Variants in UBE2R2 observed in about 807,000 individuals in gnomAD.
UBE2R2 encodes the protein ubiquitin conjugating enzyme E2 R2.
Under a neutral mutation model 27.8 loss-of-function variants are expected in UBE2R2, and 1 was observed. That is an observed-to-expected ratio of 0.04 (90% CI 0.01 to 0.17). The LOEUF (loss-of-function observed/expected upper bound fraction) is 0.17, where lower values mean the gene tolerates loss of function less well. Among genes scored for constraint, UBE2R2 ranks in the 10% least tolerant of loss-of-function variants. The pLI is 1.00. For synonymous variants in UBE2R2, 106 were observed against 113.3 expected, an observed-to-expected ratio of 0.94 and a Z score of 0.41; for missense variants, 100 against 291.0, an observed-to-expected ratio of 0.34 and a Z score of 4.78.
chr9:33,832,152 T>C (rs1298239657), intron 1 of UBE2R2, among the ~76,000 whole-genome samples: 1 of 148,676 alleles, frequency 6.7e-6, no homozygotes, highest in Admixed American at 6.8e-5. Context: ...CTACTAAAAA[T>C]ACAAAATTAG....
At chr9:33,836,657 A>G (rs1749269) in intron 1 of UBE2R2, among the ~76,000 whole-genome samples, 61,640 of 151,698 alleles carry the variant, frequency 0.41, 12,867 homozygotes, top group African/African-American at 0.49. Context: ...CTCGGGAGGC[A>G]GAGGCAGGAG....
intron 3 of UBE2R2, among the ~76,000 whole-genome samples, chr9:33,910,671 T>C (rs1822464033): frequency 6.6e-6 from 1 of 152,246 alleles, no homozygotes; most frequent in African/African-American, 2.4e-5. Flanking sequence ...ATTTCTATTA[T>C]TCAGAGACTC....
intron 1 of UBE2R2, among the ~76,000 whole-genome samples, chr9:33,832,008 A>G (rs752288844): frequency 1.3e-5 from 2 of 151,870 alleles, no homozygotes; most frequent in Non-Finnish European, 2.9e-5. Flanking sequence ...AACGATAGCA[A>G]TCACTAATAA....
intron 1 of UBE2R2, among the ~76,000 whole-genome samples, chr9:33,857,280 T>C (rs1485513550): frequency 5.3e-5 from 8 of 151,948 alleles, no homozygotes; most frequent in East Asian, 1.9e-4. Context: ...TGAGTACTTA[T>C]GTTCATTCTA....
intron 1 of UBE2R2, among the ~76,000 whole-genome samples, chr9:33,834,324 C>T (rs1387613313): frequency 2.0e-5 from 3 of 151,746 alleles, no homozygotes; most frequent in African/African-American, 7.3e-5. Flanking sequence ...CCTCAGCCTC[C>T]CAAGTAGCTG....
chr9:33,836,203 A>G (rs1184810896), intron 1 of UBE2R2, among the ~76,000 whole-genome samples: 3 of 152,090 alleles, frequency 2.0e-5, no homozygotes, highest in Admixed American at 6.6e-5. Flanking sequence ...CTACTCACCT[A>G]CAATATTCAG....
intron 1 of UBE2R2, 22 bp downstream of exon 1, chr9:33,817,956 A>G (rs761556044): frequency 1.9e-6 from 3 of 1,593,444 alleles, no homozygotes; most frequent in Non-Finnish European, 2.6e-6. Context: ...CTCCTCCCGG[A>G]CCCTGCTTCC....
intron 1 of UBE2R2, among the ~76,000 whole-genome samples, chr9:33,856,882 C>T (rs565239680): frequency 2.6e-4 from 36 of 139,698 alleles, no homozygotes; most frequent in East Asian, 8.3e-4. Flanking sequence ...TCCTTCCTTC[C>T]TTTCACTTTT....
chr9:33,841,240 T>A (rs1820726943), intron 1 of UBE2R2, among the ~76,000 whole-genome samples: 2 of 152,102 alleles, frequency 1.3e-5, no homozygotes, highest in South Asian at 4.1e-4. Context: ...CCACCATGCC[T>A]GGCTAATTTT....
intron 1 of UBE2R2, among the ~76,000 whole-genome samples, chr9:33,848,663 G>A (rs901257597): frequency 6.6e-6 from 1 of 151,258 alleles, no homozygotes; most frequent in African/African-American, 2.4e-5. Flanking sequence ...GTGCAATGGC[G>A]TGATCTCGGC....
At chr9:33,882,001 C>T in intron 1 of UBE2R2, among the ~76,000 whole-genome samples, 1 of 152,172 alleles carries the variant, frequency 6.6e-6, no homozygotes, top group Non-Finnish European at 1.5e-5. Context: ...TTTTTCCATT[C>T]AGTAATACTT....
At chr9:33,852,133 G>T (rs574133264) in intron 1 of UBE2R2, among the ~76,000 whole-genome samples, 1 of 152,056 alleles carries the variant, frequency 6.6e-6, no homozygotes, top group Non-Finnish European at 1.5e-5. Flanking sequence ...AACATAGTGA[G>T]ACCCTGTCTC....
At chr9:33,863,187 T>TC (rs1554673896) in intron 1 of UBE2R2, among the ~76,000 whole-genome samples, 1 of 83,628 alleles carries the variant, frequency 1.2e-5, no homozygotes, top group Non-Finnish European at 2.2e-5. Flanking sequence ...CGAGACTCCC[T>TC]CAAAAAAAAA....
intron 2 of UBE2R2, among the ~76,000 whole-genome samples, chr9:33,888,853 G>A (rs1009034578): frequency 2.0e-5 from 3 of 152,072 alleles, no homozygotes; most frequent in African/African-American, 7.2e-5. Context: ...TGGAGAACTC[G>A]CTCTAGGGTC....
intron 1 of UBE2R2, among the ~76,000 whole-genome samples, chr9:33,837,997 C>T (rs1820651082): frequency 6.6e-6 from 1 of 152,008 alleles, no homozygotes; most frequent in South Asian, 2.1e-4. Flanking sequence ...AATTATATGT[C>T]TCATATATAA....
chr9:33,846,597 A>G (rs1820852068), intron 1 of UBE2R2, among the ~76,000 whole-genome samples: 1 of 152,188 alleles, frequency 6.6e-6, no homozygotes, highest in Admixed American at 6.5e-5. Context: ...GTGGCTCTCA[A>G]AACGTTGTCA....
chr9:33,834,956 TA>T (rs1563983088), intron 1 of UBE2R2, among the ~76,000 whole-genome samples: 1 of 151,428 alleles, frequency 6.6e-6, no homozygotes, highest in Non-Finnish European at 1.5e-5. Context: ...AAAATATTGA[TA>T]AACAAATAGA....
chr9:33,906,001 C>G (rs1822345901), intron 3 of UBE2R2, among the ~76,000 whole-genome samples: 1 of 152,208 alleles, frequency 6.6e-6, no homozygotes, highest in Non-Finnish European at 1.5e-5. Context: ...CTAAATCAAT[C>G]TGCGTGTGTG....
intron 2 of UBE2R2, among the ~76,000 whole-genome samples, chr9:33,888,517 TTTTA>T (rs976716686): frequency 6.6e-6 from 1 of 152,160 alleles, no homozygotes; most frequent in East Asian, 1.9e-4. Flanking sequence ...ATTACTTTTA[TTTTA>T]TTTATTTATT....
Sources: allele counts gnomAD v4.1 joint callset (sites outside exome capture counted in the v4.1 genomes callset), GRCh38; gene constraint gnomAD v4.1.1; transcripts MANE v1.5; gene names NCBI Gene and HGNC (gene_info 2026-07-23, HGNC 2026-07-21).